ANKS1B: variants seen among roughly 807,000 people sequenced by gnomAD.
ANKS1B encodes the protein ankyrin repeat and sterile alpha motif domain containing 1B.
In ANKS1B, 36 loss-of-function variants were observed where a neutral mutation model predicts 148.3. The ratio of observed to expected loss-of-function variants is 0.24; its 90% CI spans 0.19 to 0.32. The LOEUF is 0.32. Ranked by LOEUF, ANKS1B falls within the 10% of genes least tolerant of loss-of-function variation. The pLI is 1.00. For synonymous variants in ANKS1B, 542 were observed against 560.8 expected (o/e 0.97, Z 0.47); for missense variants, 1,157 against 1,542.6 (o/e 0.75, Z 4.19).
intron 17 of ANKS1B, among the ~76,000 whole-genome samples, chr12:98,921,081 T>C (rs1431816491): frequency 6.6e-6 from 1 of 152,196 alleles, no homozygotes; most frequent in Non-Finnish European, 1.5e-5. Flanking sequence ...AAAGTATGTC[T>C]TTCTTCTTTT....
intron 9 of ANKS1B, among the ~76,000 whole-genome samples, chr12:99,505,335 C>G (rs1211094431): frequency 6.6e-6 from 1 of 151,962 alleles, no homozygotes; most frequent in Non-Finnish European, 1.5e-5. Context: ...AACATTCTTA[C>G]AGTTTGAGCC....
intron 8 of ANKS1B, among the ~76,000 whole-genome samples, chr12:99,714,333 C>A (rs2057020591): frequency 1.3e-5 from 2 of 152,204 alleles, no homozygotes; most frequent in African/African-American, 4.8e-5. Context: ...AACTTAATCA[C>A]CTGTGAAGCC....
rs2153689520 is a variant in ANKS1B at position 98,829,919 on chromosome 12, TA to T, written c.2887-567del. ...CAAGGGAAACGGGTCAGGAGGAAGA[TA>T]GGGGGCATAGACAGCTCAGCTCTAC... On this transcript the variant is annotated intron_variant, in intron 18 of 26. Coordinates refer to ENST00000683438, the MANE Select transcript of ANKS1B (RefSeq NM_001352186.2). This position sits in a 1 kb window ranked among gnomAD's most constrained non-coding sequence, Gnocchi z 5.2. Among the ~76,000 whole-genome samples the T allele has an allele frequency of 6.6e-6, 1 of 152,208 alleles. No individual in the cohort carries two copies. The highest frequency in any genetic ancestry group is 2.4e-5 in the African/African-American group (1 of 41,536).
In ANKS1B at chr12:98,910,708, T is replaced by C. The variant is rs138216648; in HGVS notation, c.2779-78572A>G. On this transcript the variant is annotated intron_variant, in intron 17 of 26. Transcript: ENST00000683438. ...GTAAATAGTGCATTTAAAATTAGTT[T>C]TAATGTGAAATAGAATCAACAATCA... is the stretch of plus-strand genomic sequence containing the variant. Among the ~76,000 whole-genome samples, 109 of 152,330 alleles carry C rather than the reference T, an allele frequency of 7.2e-4. 1 individual carries two copies. Among genetic ancestry groups the C allele is most frequent in the African/African-American group, 2.5e-3 (106 of 41,570 alleles).
At position 99,373,684 on chromosome 12, in the gene ANKS1B, A is replaced by AT. The variant is rs1159657851; in HGVS notation, c.1756+25946dup. On this transcript the variant is annotated intron_variant, in intron 12 of 26. Coordinates refer to ENST00000683438, the MANE Select transcript of ANKS1B (RefSeq NM_001352186.2). The stretch of plus-strand genomic sequence containing the variant: ...ACTGCTCTTTTTGAATACTTGTTTC[A>AT]TTTTTTGTTTTTTTTTTAAATCCTG... Among the ~76,000 whole-genome samples the AT allele has an allele frequency of 3.3e-5, 5 of 151,580 alleles. No individual in the cohort carries two copies. In the East Asian group the frequency reaches 5.9e-4, roughly 18 times the overall value.
At chr12:98,886,812 C>A (rs2099741116) in intron 17 of ANKS1B, among the ~76,000 whole-genome samples, 1 of 152,020 alleles carries the variant, frequency 6.6e-6, no homozygotes, top group Admixed American at 6.5e-5. Context: ...GGAAAGAATA[C>A]ATGACATAAG....
intron 9 of ANKS1B, among the ~76,000 whole-genome samples, chr12:99,610,631 C>T (rs1400910109): frequency 6.6e-6 from 1 of 152,026 alleles, no homozygotes; most frequent in Non-Finnish European, 1.5e-5. Flanking sequence ...AAAGATCTTG[C>T]ATCTGAGTTC....
rs1033500765 is a variant in ANKS1B, at chr12:99,537,391, G to T, written c.1273-32750C>A. On this transcript the variant is annotated intron_variant, in intron 9 of 26. Transcript: ENST00000683438. ...TACATTCCCACTAACAGTGTATAAG[G>T]TTTTCCTTTTTCTCTACATCCTCAC... is the stretch of plus-strand genomic sequence containing the variant. Among the ~76,000 whole-genome samples the T allele has an allele frequency of 5.9e-5, 9 of 151,992 alleles. No individual in the cohort carries two copies. In the East Asian group the frequency reaches 1.5e-3, roughly 26 times the overall value.
intron 1 of ANKS1B, among the ~76,000 whole-genome samples, chr12:99,961,337 G>C (rs1232426048): frequency 6.6e-6 from 1 of 152,200 alleles, no homozygotes; most frequent in Non-Finnish European, 1.5e-5. Context: ...AAAGACTTCT[G>C]GTTTGAGTGT....
chr12:98,801,248 A>T lies in ANKS1B; in HGVS notation c.3142-123T>A. 1 of 856,750 alleles carries T rather than the reference A, an allele frequency of 1.2e-6. No homozygotes were observed. Among genetic ancestry groups the T allele is most frequent in the East Asian group, 2.7e-5 (1 of 37,046 alleles). The allele number at this position is 856,750 out of a possible 1,614,324, so 53.1% of individuals were successfully genotyped here. On this transcript the variant is annotated intron_variant, in intron 20 of 26. Coordinates refer to ENST00000683438, the MANE Select transcript of ANKS1B (RefSeq NM_001352186.2). The surrounding 1 kb of genome is among the most constrained non-coding windows in gnomAD (Gnocchi z 5.2). ...GTACCAAAATGCATTTGGGTGTCTT[A>T]TGTGAATATAAATACTTGGTTATTA... is the stretch of plus-strand genomic sequence containing the variant.
chr12:99,689,386 T>C (rs1599741431), intron 8 of ANKS1B, among the ~76,000 whole-genome samples: 1 of 152,180 alleles, frequency 6.6e-6, no homozygotes, highest in East Asian at 1.9e-4. Flanking sequence ...AGAGTAAGCT[T>C]AGTGCGTGTG....
chr12:99,531,373 C>A (rs757636031), intron 9 of ANKS1B, among the ~76,000 whole-genome samples: 6 of 152,162 alleles, frequency 3.9e-5, no homozygotes, highest in Non-Finnish European at 7.3e-5. Flanking sequence ...ACTCTCCCCC[C>A]TTCTGAGTCT....
intron 8 of ANKS1B, among the ~76,000 whole-genome samples, chr12:99,716,504 T>A (rs973283385): frequency 6.6e-6 from 1 of 152,076 alleles, no homozygotes; most frequent in Non-Finnish European, 1.5e-5. Flanking sequence ...CCTCTTCAAC[T>A]CACACCTGAC....
intron 8 of ANKS1B, among the ~76,000 whole-genome samples, chr12:99,763,507 T>G (rs1007049302): frequency 3.3e-5 from 5 of 151,986 alleles, no homozygotes; most frequent in African/African-American, 1.2e-4. Flanking sequence ...TACTTGCGGG[T>G]GTAGCACGGG....
chr12:99,437,910 T>C (rs1217593507), intron 11 of ANKS1B, among the ~76,000 whole-genome samples: 1 of 151,966 alleles, frequency 6.6e-6, no homozygotes, highest in Non-Finnish European at 1.5e-5. Flanking sequence ...CACTCTTCAA[T>C]TCCTTTCATC....
chr12:99,863,995 G>A (rs1189990524), intron 1 of ANKS1B, among the ~76,000 whole-genome samples: 1 of 149,546 alleles, frequency 6.7e-6, no homozygotes, highest in Admixed American at 6.7e-5. Flanking sequence ...CTTGAACCAG[G>A]GAGTCAGAGG....
At chr12:98,842,751 T>C (rs1052985009) in intron 17 of ANKS1B, among the ~76,000 whole-genome samples, 3 of 152,200 alleles carry the variant, frequency 2.0e-5, no homozygotes, top group Admixed American at 6.5e-5. Context: ...GTGAGCAACA[T>C]ATACACTGCA....
intron 12 of ANKS1B, among the ~76,000 whole-genome samples, chr12:99,302,244 G>A (rs1222330466): frequency 6.6e-6 from 1 of 151,966 alleles, no homozygotes; most frequent in African/African-American, 2.4e-5. Context: ...TGATTTACAG[G>A]GGAATTTTGC....
chr12:98,977,178 G>A (rs1445895648), intron 17 of ANKS1B, among the ~76,000 whole-genome samples: 1 of 152,224 alleles, frequency 6.6e-6, no homozygotes, highest in Non-Finnish European at 1.5e-5. Context: ...GAGGTTGAAA[G>A]TGAATAAAAA....
Sources: gnomAD v4.1 joint callset for allele counts (sites outside exome capture counted in the v4.1 genomes callset) on GRCh38, gnomAD v4.1.1 for gene constraint, Gnocchi (gnomAD v3.1) non-coding constraint, MANE v1.5 for transcripts, NCBI Gene and HGNC (gene_info 2026-07-23, HGNC 2026-07-21) for gene names.